Variants in VPS13C observed in about 807,000 individuals in gnomAD.
VPS13C encodes vacuolar protein sorting 13 homolog C.
Under a neutral mutation model 456.8 loss-of-function variants are expected in VPS13C, and 358 were observed. The observed-to-expected ratio is 0.78, with a 90% CI of 0.72 to 0.86. The LOEUF (loss-of-function observed/expected upper bound fraction) is 0.86, where lower values mean the gene tolerates loss of function less well. Among genes scored for constraint, VPS13C ranks in the 40% least tolerant of loss-of-function variants. The pLI is 0.00. For missense variants in VPS13C, 4,818 were observed against 4,385.4 expected (o/e 1.10, Z -2.79); for synonymous variants, 1,578 against 1,486.7 (o/e 1.06, Z -1.41).
intron 16 of VPS13C, among the ~76,000 whole-genome samples, chr15:61,997,292 C>T (rs1056765658): frequency 4.4e-4 from 67 of 152,202 alleles, no homozygotes; most frequent in African/African-American, 1.4e-3. Context: ...TTTATGGTCA[C>T]CTTTGCTGGT....
Position 61,977,338 on chromosome 15 carries a change from T to C in VPS13C, c.2291-139A>G, listed in dbSNP as rs73414616. ...TCACTATAAATTAATCCAGAATCAATGATTACCAATTTTCACTTCTTTCAG... is the reference window on the plus strand; with the variant it reads ...TCACTATAAATTAATCCAGAATCAACGATTACCAATTTTCACTTCTTTCAG... On this transcript the variant is annotated intron_variant, in intron 23 of 84. Transcript: ENST00000644861. 5,467 of 546,852 alleles carry C rather than the reference T, an allele frequency of 1.0e-2. 269 individuals carry two copies. The highest frequency in any genetic ancestry group is 0.097 in the African/African-American group (4,850 of 49,952). The allele number at this position is 546,852 out of a possible 1,614,324, so 33.9% of individuals were successfully genotyped here.
At chr15:62,021,772 C>T (rs2047470027) in intron 8 of VPS13C, among the ~76,000 whole-genome samples, 1 of 151,636 alleles carries the variant, frequency 6.6e-6, no homozygotes, top group Non-Finnish European at 1.5e-5. Context: ...TCCTTTATTC[C>T]CACACTCTCT....
At chr15:61,986,385 C>A (rs541958674) in intron 18 of VPS13C, among the ~76,000 whole-genome samples, 1 of 151,998 alleles carries the variant, frequency 6.6e-6, no homozygotes, top group East Asian at 1.9e-4. Context: ...ATTAAGAATT[C>A]AATAAATGAG....
chr15:62,037,609 CTA>C (rs2140685283), intron 3 of VPS13C, among the ~76,000 whole-genome samples: 1 of 142,374 alleles, frequency 7.0e-6, no homozygotes, highest in Non-Finnish European at 1.6e-5. Flanking sequence ...TTTTAGATGT[CTA>C]TAACTTCCTT....
intron 12 of VPS13C, among the ~76,000 whole-genome samples, chr15:62,011,050 A>T (rs1341050245): frequency 6.6e-6 from 1 of 152,304 alleles, no homozygotes; most frequent in South Asian, 2.1e-4. Flanking sequence ...TTCCAAAAAA[A>T]GAAACTGCTC....
intron 49 of VPS13C, among the ~76,000 whole-genome samples, chr15:61,932,492 T>C (rs1280697176): frequency 6.6e-6 from 1 of 151,434 alleles, no homozygotes; most frequent in Non-Finnish European, 1.5e-5. Flanking sequence ...TACCATAACA[T>C]ATAATTCCAA....
chr15:61,993,778 T>C (rs2046295953), intron 16 of VPS13C, among the ~76,000 whole-genome samples: 1 of 152,120 alleles, frequency 6.6e-6, no homozygotes, highest in African/African-American at 2.4e-5. Context: ...TAAGAATTAA[T>C]ATTTAAAAAT....
chr15:62,024,993 C>G (rs78804177), intron 6 of VPS13C, among the ~76,000 whole-genome samples: 129 of 152,176 alleles, frequency 8.5e-4, no homozygotes, highest in African/African-American at 2.9e-3. Context: ...GCCCCAGGGC[C>G]TGTACCTTAC....
intron 38 of VPS13C, 134 bp from the exon 39 acceptor site, chr15:61,952,114 G>T: frequency 1.9e-6 from 2 of 1,061,348 alleles, no homozygotes; most frequent in Non-Finnish European, 1.3e-6. Context: ...TTCTATTTGT[G>T]CCTGCAGTTT....
chr15:62,044,737 G>C (rs2048350079), intron 1 of VPS13C, among the ~76,000 whole-genome samples: 2 of 152,114 alleles, frequency 1.3e-5, no homozygotes, highest in Admixed American at 6.5e-5. Flanking sequence ...TACTGTATGT[G>C]CTTCTAATAT....
chr15:61,856,844 A>C (rs1300011892), intron 82 of VPS13C: 1 of 160,998 alleles, frequency 6.2e-6, no homozygotes, highest in Middle Eastern at 2.8e-3. Flanking sequence ...ATTGCTCTTT[A>C]CTGTCAGCCA....
At chr15:61,882,525 GT>G (rs1369853577) in intron 69 of VPS13C, 70 bp downstream of exon 69, 1 of 1,373,468 alleles carries the variant, frequency 7.3e-7, no homozygotes. Flanking sequence ...CTATATAGTT[GT>G]AAAAAAGAAA....
chr15:61,924,536 A>G (rs947814801), intron 53 of VPS13C, among the ~76,000 whole-genome samples: 15 of 152,230 alleles, frequency 9.9e-5, no homozygotes, highest in Admixed American at 8.5e-4. Context: ...TCATAAATTT[A>G]TACACAAAGA....
At chr15:61,928,203 A>C (rs913882428) in intron 51 of VPS13C, among the ~76,000 whole-genome samples, 1 of 152,168 alleles carries the variant, frequency 6.6e-6, no homozygotes, top group Non-Finnish European at 1.5e-5. Flanking sequence ...AATAATAATA[A>C]AAAAGAATAA....
At chr15:62,000,679 A>G in intron 15 of VPS13C, 53 bp from the exon 16 acceptor site, 1 of 1,501,146 alleles carries the variant, frequency 6.7e-7, no homozygotes, top group East Asian at 2.4e-5. Context: ...TAGATAAAAG[A>G]AATTTTTCTT....
At position 61,934,201 on chromosome 15, in the gene VPS13C, C is replaced by A. The variant is rs769688101; in HGVS notation, c.5868+18G>T. The A allele has an allele frequency of 6.7e-7, 1 of 1,498,246 alleles. No individual in the cohort carries two copies. The highest frequency in any genetic ancestry group is 9.1e-7 in the Non-Finnish European group (1 of 1,102,638). The allele number at this position is 1,498,246 out of a possible 1,614,324, so 92.8% of individuals were successfully genotyped here. On this transcript the variant is annotated intron_variant, in intron 49 of 84. Transcript: ENST00000644861. The stretch of plus-strand genomic sequence containing the variant: ...AGAGCTAAGGATTTATTTCTAATTA[C>A]AGAAATGTATTACATACCTGGTTGA...
At chr15:61,875,075 T>A (rs112590899) in intron 76 of VPS13C, 124 bp from the exon 77 acceptor site, 7 of 807,248 alleles carry the variant, frequency 8.7e-6, no homozygotes, top group Admixed American at 7.2e-5. Context: ...TTGTGATGAA[T>A]CAATTTTCAC....
At chr15:61,967,133 A>G (rs1384169138) in intron 29 of VPS13C, among the ~76,000 whole-genome samples, 2 of 151,922 alleles carry the variant, frequency 1.3e-5, no homozygotes, top group Non-Finnish European at 2.9e-5. Flanking sequence ...AATGGTACCT[A>G]CTTCATCCCA....
intron 16 of VPS13C, among the ~76,000 whole-genome samples, chr15:62,000,095 C>T (rs1213731195): frequency 6.6e-6 from 1 of 152,134 alleles, no homozygotes; most frequent in Admixed American, 6.5e-5. Context: ...GGCGCAGTGG[C>T]TCACGCCTGT....
Sources: allele counts gnomAD v4.1 joint callset (sites outside exome capture counted in the v4.1 genomes callset), GRCh38; gene constraint gnomAD v4.1.1; transcripts MANE v1.5; gene names NCBI Gene and HGNC (gene_info 2026-07-23, HGNC 2026-07-21).